Variants in DSCAM observed in about 807,000 individuals in gnomAD.
DSCAM encodes DS cell adhesion molecule.
A neutral mutation model predicts 217.7 loss-of-function variants in DSCAM; 47 were observed. The ratio of observed to expected loss-of-function variants is 0.22; its 90% confidence interval spans 0.17 to 0.28. The LOEUF (loss-of-function observed/expected upper bound fraction) is 0.28. Ranked by LOEUF, DSCAM falls within the 10% of genes least tolerant of loss-of-function variation. The pLI is 1.00. For synonymous variants in DSCAM, 1,056 were observed against 1,015.3 expected, an observed-to-expected ratio of 1.04 and a Z score of -0.76; for missense variants, 2,080 against 2,618.3, an observed-to-expected ratio of 0.79 and a Z score of 4.49.
intron 20 of DSCAM, among the ~76,000 whole-genome samples, chr21:40,100,842 AACTCTC>A (rs557184504): frequency 1.2e-4 from 18 of 152,298 alleles, no homozygotes; most frequent in African/African-American, 3.1e-4. Context: ...GTAGACTTTG[AACTCTC>A]CAGTCTCATC....
intron 3 of DSCAM, among the ~76,000 whole-genome samples, chr21:40,641,770 A>G (rs2089881969): frequency 6.6e-6 from 1 of 152,138 alleles, no homozygotes; most frequent in Admixed American, 6.5e-5. Flanking sequence ...ATGTATTTCA[A>G]AGTTTACACT....
intron 24 of DSCAM, among the ~76,000 whole-genome samples, chr21:40,080,964 T>C (rs1459002275): frequency 6.6e-6 from 1 of 152,206 alleles, no homozygotes; most frequent in Non-Finnish European, 1.5e-5. Flanking sequence ...CTGTCCACTC[T>C]AGAGCACTCA....
chr21:40,560,179 C>G (rs1212819104), intron 3 of DSCAM, among the ~76,000 whole-genome samples: 3 of 152,190 alleles, frequency 2.0e-5, no homozygotes, highest in Non-Finnish European at 4.4e-5. Flanking sequence ...GATGTAGGAG[C>G]AGAGAGGCAG....
At chr21:40,394,353 A>G (rs1007290007) in intron 3 of DSCAM, among the ~76,000 whole-genome samples, 3 of 152,256 alleles carry the variant, frequency 2.0e-5, no homozygotes, top group South Asian at 2.1e-4. Context: ...AGGTCATACA[A>G]TCTAGGCTTG....
chr21:40,109,884 T>C (rs531136663), intron 20 of DSCAM, among the ~76,000 whole-genome samples: 5 of 152,280 alleles, frequency 3.3e-5, no homozygotes, highest in Non-Finnish European at 7.3e-5. Flanking sequence ...GCGCCCACCA[T>C]TGCGGAGGCT....
chr21:40,839,268 G>T (rs1238780807), intron 1 of DSCAM, among the ~76,000 whole-genome samples: 1 of 152,168 alleles, frequency 6.6e-6, no homozygotes, highest in Non-Finnish European at 1.5e-5. Context: ...CAGAGTTTGA[G>T]AACAGGTTAA....
At chr21:40,813,463 C>T (rs2091855662) in intron 1 of DSCAM, among the ~76,000 whole-genome samples, 1 of 151,942 alleles carries the variant, frequency 6.6e-6, no homozygotes, top group Non-Finnish European at 1.5e-5. Flanking sequence ...GTGAACTTCC[C>T]TCTTAGCACT....
chr21:40,039,301 A>G (rs1195365021), intron 32 of DSCAM, among the ~76,000 whole-genome samples: 4 of 145,928 alleles, frequency 2.7e-5, no homozygotes, highest in Non-Finnish European at 6.1e-5. Context: ...TGCAGATGAA[A>G]TAAAAATCAA....
At chr21:40,313,324 G>A (rs1330112574) in intron 8 of DSCAM, among the ~76,000 whole-genome samples, 1 of 152,126 alleles carries the variant, frequency 6.6e-6, no homozygotes, top group Non-Finnish European at 1.5e-5. Context: ...TTGACTTGCT[G>A]ATGTATTGCT....
At chr21:40,118,156 C>T (rs1029183032) in intron 20 of DSCAM, among the ~76,000 whole-genome samples, 1 of 152,144 alleles carries the variant, frequency 6.6e-6, no homozygotes, top group Non-Finnish European at 1.5e-5. Flanking sequence ...AATAAATTTG[C>T]ACTAGGAAAT....
chr21:40,386,928 T>C (rs1449084004), intron 3 of DSCAM, among the ~76,000 whole-genome samples: 1 of 152,214 alleles, frequency 6.6e-6, no homozygotes, highest in East Asian at 1.9e-4. Context: ...GTCATTTCTC[T>C]CATGAAATGT....
At chr21:40,545,322 C>G (rs1175393290) in intron 3 of DSCAM, among the ~76,000 whole-genome samples, 1 of 152,116 alleles carries the variant, frequency 6.6e-6, no homozygotes, top group Non-Finnish European at 1.5e-5. Flanking sequence ...CTGAGTTGAC[C>G]AAGGACCTAC....
intron 11 of DSCAM, among the ~76,000 whole-genome samples, chr21:40,199,590 G>C (rs2091049366): frequency 6.6e-6 from 1 of 152,156 alleles, no homozygotes; most frequent in East Asian, 1.9e-4. Flanking sequence ...TTCCACAATG[G>C]TTGAACTAAT....
intron 3 of DSCAM, among the ~76,000 whole-genome samples, chr21:40,632,885 C>T (rs568193474): frequency 1.3e-5 from 2 of 152,294 alleles, no homozygotes; most frequent in African/African-American, 2.4e-5. Flanking sequence ...CACACTATGA[C>T]ACCACCGATA....
intron 1 of DSCAM, among the ~76,000 whole-genome samples, chr21:40,801,102 C>A (rs536227701): frequency 9.2e-5 from 14 of 152,016 alleles, no homozygotes; most frequent in African/African-American, 3.1e-4. Flanking sequence ...CAGGTGCCCA[C>A]CCCTACACCT....
chr21:40,635,644 T>G (rs2089748778), intron 3 of DSCAM, among the ~76,000 whole-genome samples: 1 of 152,072 alleles, frequency 6.6e-6, no homozygotes, highest in Non-Finnish European at 1.5e-5. Context: ...GACAGTTATT[T>G]CAAGTACACA....
At chr21:40,207,819 G>A (rs1427243985) in intron 11 of DSCAM, among the ~76,000 whole-genome samples, 1 of 152,124 alleles carries the variant, frequency 6.6e-6, no homozygotes, top group East Asian at 1.9e-4. Flanking sequence ...TTCCTCCTGA[G>A]GCCTCTCTCC....
At chr21:40,502,329 C>T (rs2076176101) in intron 3 of DSCAM, among the ~76,000 whole-genome samples, 3 of 152,090 alleles carry the variant, frequency 2.0e-5, no homozygotes, top group East Asian at 1.9e-4. Flanking sequence ...ACATATCATA[C>T]ATCATGGATT....
chr21:40,143,034 CTGATT>C (rs1274945339), intron 17 of DSCAM, among the ~76,000 whole-genome samples: 1 of 152,148 alleles, frequency 6.6e-6, no homozygotes, highest in Non-Finnish European at 1.5e-5. Context: ...CATTGTTTGT[CTGATT>C]TATTTTCCCC....
Sources: gnomAD v4.1 joint callset for allele counts (sites outside exome capture counted in the v4.1 genomes callset) on GRCh38, gnomAD v4.1.1 for gene constraint, MANE v1.5 for transcripts, NCBI Gene and HGNC (gene_info 2026-07-23, HGNC 2026-07-21) for gene names.